The following BCL2L13 variants were observed in gnomAD, a reference collection of about 807,000 sequenced individuals.
BCL2L13 encodes the protein bcl-2-like protein 13.
In BCL2L13, 13 loss-of-function variants were observed where a neutral mutation model predicts 25.8. The ratio of observed to expected loss-of-function variants is 0.50; its 90% confidence interval spans 0.33 to 0.80. The LOEUF (loss-of-function observed/expected upper bound fraction) is 0.80, where lower values mean the gene tolerates loss of function less well. BCL2L13 is among the 30% of genes least tolerant of loss of function. BCL2L13 has a pLI of 0.02. For missense variants in BCL2L13, 504 were observed against 574.9 expected (o/e 0.88, Z 1.26); for synonymous variants, 244 against 230.3 (o/e 1.06, Z -0.54).
At chr22:17,683,691 A>T (rs1221383256) in intron 3 of BCL2L13, among the ~76,000 whole-genome samples, 2 of 152,012 alleles carry the variant, frequency 1.3e-5, no homozygotes, top group African/African-American at 4.8e-5. Context: ...TTTTGCATAC[A>T]TATATACTAT....
chr22:17,706,120 T>C lies in BCL2L13; in HGVS notation c.600+3734T>C, dbSNP rs2060582639. Among the ~76,000 whole-genome samples the C allele has an allele frequency of 2.6e-5, 4 of 152,164 alleles. No homozygotes were observed. In the South Asian group the frequency reaches 8.3e-4, roughly 32 times the overall value. On this transcript the variant is annotated intron_variant, in intron 6 of 6. Transcript: ENST00000317582. ...GCCTCAACTTCCTGGGCTCAAGTGA[T>C]CCTCCCACCTCAGCCTCCCTAGTAG... is the stretch of plus-strand genomic sequence containing the variant.
chr22:17,681,302 C>T (rs1365120133), intron 2 of BCL2L13, among the ~76,000 whole-genome samples: 1 of 151,962 alleles, frequency 6.6e-6, no homozygotes, highest in South Asian at 2.1e-4. Context: ...GCCAGGAGAT[C>T]GAGACCATCC....
chr22:17,632,752 CTTTTT>C (rs67358246), intron 1 of BCL2L13, among the ~76,000 whole-genome samples: 3 of 124,374 alleles, frequency 2.4e-5, no homozygotes, highest in South Asian at 2.5e-4. Context: ...GATTCTTCTT[CTTTTT>C]TTTTTTTTTT....
intron 2 of BCL2L13, among the ~76,000 whole-genome samples, chr22:17,671,501 A>G (rs980949266): frequency 2.0e-5 from 3 of 149,716 alleles, no homozygotes; most frequent in Non-Finnish European, 4.4e-5. Context: ...TGGGCAGCAG[A>G]GGTTGAAGTG....
chr22:17,634,737 G>A (rs1475011399), upstream of BCL2L13, among the ~76,000 whole-genome samples: 1 of 151,898 alleles, frequency 6.6e-6, no homozygotes, highest in Non-Finnish European at 1.5e-5. Context: ...GAGCCCAGGA[G>A]TTTGAGACCA....
At chr22:17,653,378 T>C (rs2058749336) in intron 1 of BCL2L13, among the ~76,000 whole-genome samples, 1 of 152,124 alleles carries the variant, frequency 6.6e-6, no homozygotes, top group East Asian at 1.9e-4. Flanking sequence ...TTTTCAGTGT[T>C]CTGTTCCTAT....
intron 6 of BCL2L13, among the ~76,000 whole-genome samples, chr22:17,723,604 C>T (rs1280491167): frequency 6.6e-6 from 1 of 152,150 alleles, no homozygotes; most frequent in African/African-American, 2.4e-5. Flanking sequence ...TTACTGATTA[C>T]TTCCTATGTA....
At chr22:17,678,671 G>A (rs2059644407) in intron 2 of BCL2L13, among the ~76,000 whole-genome samples, 1 of 152,186 alleles carries the variant, frequency 6.6e-6, no homozygotes, top group South Asian at 2.1e-4. Context: ...TGCCTGTTAA[G>A]TAACAGGTAC....
At chr22:17,672,168 G>A (rs2059438670) in intron 2 of BCL2L13, among the ~76,000 whole-genome samples, 1 of 152,192 alleles carries the variant, frequency 6.6e-6, no homozygotes, top group South Asian at 2.1e-4. Flanking sequence ...TTATCGCAAG[G>A]CTAATTGCCT....
chr22:17,677,237 C>T (rs930046547), intron 2 of BCL2L13, among the ~76,000 whole-genome samples: 1 of 152,178 alleles, frequency 6.6e-6, no homozygotes, highest in Non-Finnish European at 1.5e-5. Flanking sequence ...TTTTATGTCG[C>T]TTAAAGCCAT....
intron 2 of BCL2L13, among the ~76,000 whole-genome samples, chr22:17,681,362 CG>C (rs1334711478): frequency 6.6e-6 from 1 of 151,646 alleles, no homozygotes; most frequent in Admixed American, 6.6e-5. Flanking sequence ...AAAAATTAGG[CG>C]GGTGTGGTGG....
chr22:17,722,828 G>A (rs2061184423), intron 6 of BCL2L13, among the ~76,000 whole-genome samples: 1 of 152,102 alleles, frequency 6.6e-6, no homozygotes, highest in African/African-American at 2.4e-5. Context: ...CTATGAGCAT[G>A]ATATATATAT....
chr22:17,666,529 T>C (rs1333354044), intron 2 of BCL2L13, among the ~76,000 whole-genome samples: 1 of 152,126 alleles, frequency 6.6e-6, no homozygotes, highest in East Asian at 1.9e-4. Flanking sequence ...ACCATCCTTA[T>C]ATTCTCTGTG....
At chr22:17,674,922 A>G (rs1469027074) in intron 2 of BCL2L13, among the ~76,000 whole-genome samples, 1 of 152,152 alleles carries the variant, frequency 6.6e-6, no homozygotes, top group East Asian at 1.9e-4. Context: ...TAGTAAATAA[A>G]AAAATCAGGA....
rs1484200071 is a variant in BCL2L13, at chr22:17,690,278, A to G, written c.386+1136A>G. On this transcript the variant is annotated intron_variant, in intron 4 of 6. Transcript: ENST00000317582. ...GAGGCGGAGGTTGCAGTGAGCTGAG[A>G]TCATGCCATTGCACTCCAGCCTGCA... Among the ~76,000 whole-genome samples, 7 of 152,108 alleles carry G rather than the reference A, an allele frequency of 4.6e-5. No homozygotes were observed. In the East Asian group the frequency reaches 1.4e-3, roughly 29 times the overall value.
chr22:17,637,918 G>A (rs2058140617), upstream of BCL2L13, among the ~76,000 whole-genome samples: 1 of 151,950 alleles, frequency 6.6e-6, no homozygotes, highest in South Asian at 2.1e-4. Context: ...TCAAAGAGTC[G>A]TGCCACCATC....
intron 1 of BCL2L13, among the ~76,000 whole-genome samples, chr22:17,652,734 G>A (rs1204188441): frequency 2.0e-5 from 3 of 152,056 alleles, no homozygotes; most frequent in Non-Finnish European, 4.4e-5. Flanking sequence ...CATCGTGCCC[G>A]GCCATCAGAT....
chr22:17,650,424 A>T (rs761445043), intron 1 of BCL2L13, among the ~76,000 whole-genome samples: 1 of 152,054 alleles, frequency 6.6e-6, no homozygotes. Flanking sequence ...TTTGTAGCCT[A>T]TGTCTCCTTT....
At chr22:17,672,018 T>C (rs1330464933) in intron 2 of BCL2L13, among the ~76,000 whole-genome samples, 3 of 152,200 alleles carry the variant, frequency 2.0e-5, no homozygotes, top group African/African-American at 7.2e-5. Flanking sequence ...CCGGCCAACA[T>C]CTGGTTTCTT....
Sources: allele counts gnomAD v4.1 joint callset (sites outside exome capture counted in the v4.1 genomes callset), GRCh38; gene constraint gnomAD v4.1.1; transcripts MANE v1.5; gene names NCBI Gene and HGNC (gene_info 2026-07-23, HGNC 2026-07-21).